JMY: variants seen among roughly 807,000 people sequenced by gnomAD.
The protein encoded by JMY is junction-mediating and -regulatory protein.
In JMY, 46 loss-of-function variants were observed where a neutral mutation model predicts 103.3. The observed-to-expected ratio is 0.45, with a 90% CI of 0.35 to 0.57. JMY has a LOEUF of 0.57. Among genes scored for constraint, JMY ranks in the 20% least tolerant of loss-of-function variants. The probability of loss-of-function intolerance (pLI) is 0.00; values close to 1 mark genes in which losing one functional copy is unlikely to be tolerated. For synonymous variants in JMY, 526 were observed against 489.3 expected (o/e 1.07, Z -0.99); for missense variants, 1,238 against 1,255.2 (o/e 0.99, Z 0.21).
intron 1 of JMY, among the ~76,000 whole-genome samples, chr5:79,246,104 A>G (rs1041317088): frequency 1.3e-5 from 2 of 152,158 alleles, no homozygotes; most frequent in African/African-American, 4.8e-5. Context: ...TAAATCATTC[A>G]TTACTTATAC....
intron 7 of JMY, among the ~76,000 whole-genome samples, chr5:79,307,754 T>C (rs1671612323): frequency 6.6e-6 from 1 of 152,194 alleles, no homozygotes; most frequent in South Asian, 2.1e-4. Context: ...TTTGCTCTTT[T>C]GTTTTTTGGA....
chr5:79,316,841 G>A (rs1305136199), intron 10 of JMY, among the ~76,000 whole-genome samples: 1 of 149,134 alleles, frequency 6.7e-6, no homozygotes, highest in East Asian at 2.0e-4. Flanking sequence ...AGGAGGCGGA[G>A]GTTGCAGTGA....
intron 2 of JMY, among the ~76,000 whole-genome samples, chr5:79,287,218 G>A (rs1171793074): frequency 6.6e-6 from 1 of 152,162 alleles, no homozygotes; most frequent in South Asian, 2.1e-4. Context: ...GATGCTGACA[G>A]GAACAGCCAC....
chr5:79,325,595 A>AGG lies in JMY; in HGVS notation c.*3996_*3997dup, dbSNP rs1170752056. On this transcript the variant is annotated 3_prime_UTR_variant, in exon 11 of 11. Transcript: ENST00000396137. ...CAGCAAGATTTATTTCAGATGGAAA[A>AGG]GGGGTGAGAAAGTGGAAGCACCTTA... is the stretch of plus-strand genomic sequence containing the variant. 1 of 152,160 alleles carries AGG rather than the reference A, an allele frequency of 6.6e-6. No individual in the cohort carries two copies. 9.4% of individuals were successfully genotyped at this position (152,160 alleles called of 1,614,324 possible).
Position 79,306,381 on chromosome 5 carries a change from T to C in JMY, c.1888T>C (p.Cys630Arg), listed in dbSNP as rs2112112366. Residue 630 changes from cysteine (C) to arginine (R), a missense_variant, in exon 7 of 11, where the codon TGT (cysteine) becomes CGT (arginine). Physicochemically the swap from Cys to Arg is radical, Grantham distance 180 (BLOSUM62 -3). Transcript: ENST00000396137. Reference sequence around the variant, plus strand: ...ACATTTTATGTATTTACAGGAAATATGTATTGCAAAACACAATGAAAAAAT... The same window carrying C: ...ACATTTTATGTATTTACAGGAAATACGTATTGCAAAACACAATGAAAAAAT... ...KSYLRNKKEI[C>R]IAKHNEKIQQ... 3 of 1,608,444 alleles carry C rather than the reference T, an allele frequency of 1.9e-6. No homozygotes were observed. The highest frequency in any genetic ancestry group is 2.2e-5 in the East Asian group (1 of 44,816).
intron 1 of JMY, among the ~76,000 whole-genome samples, chr5:79,277,047 A>G (rs1462202685): frequency 6.6e-6 from 1 of 152,174 alleles, no homozygotes; most frequent in Admixed American, 6.5e-5. Context: ...TCATTCTTTT[A>G]TAAAACTTTT....
intron 1 of JMY, among the ~76,000 whole-genome samples, chr5:79,267,986 C>T (rs1291589609): frequency 6.6e-6 from 1 of 152,178 alleles, no homozygotes; most frequent in Non-Finnish European, 1.5e-5. Context: ...TGGCCCATGC[C>T]TGTAATGCAA....
intron 1 of JMY, among the ~76,000 whole-genome samples, chr5:79,250,321 G>A (rs78842308): frequency 0.011 from 1,682 of 152,246 alleles, 34 homozygotes; most frequent in African/African-American, 0.038. Context: ...TTGCTGCTTC[G>A]TGTATACATT....
At chr5:79,314,998 A>C in intron 9 of JMY, 147 bp downstream of exon 9, 1 of 676,332 alleles carries the variant, frequency 1.5e-6, no homozygotes, top group Admixed American at 3.5e-5. Context: ...CTAGAGGAGA[A>C]TTCTTAGTGC....
Position 79,236,935 on chromosome 5 carries a change from T to C in JMY, c.285T>C (p.Ser95=). Reference sequence around the variant, plus strand: ...GGGGTCGGCCCGAGGCCACTGCCTCTGCAACTCTGGTTAGGAGCCCCGGGC... The same window carrying C: ...GGGGTCGGCCCGAGGCCACTGCCTCCGCAACTCTGGTTAGGAGCCCCGGGC... ...AGRGRPEATA[S]ATLVRSPGPR... The change falls in exon 1 of 11, where the codon TCT becomes TCC. Residue 95 remains serine (S), a synonymous_variant. Transcript: ENST00000396137. 7.0e-7 allele frequency: 1 copy of C among 1,430,104 alleles called. No homozygotes were observed. The highest frequency in any genetic ancestry group is 9.1e-7 in the Non-Finnish European group (1 of 1,096,206). The allele number at this position is 1,430,104 out of a possible 1,614,324, so 88.6% of individuals were successfully genotyped here.
At chr5:79,321,391 T>C (rs1201334999) in intron 10 of JMY, among the ~76,000 whole-genome samples, 1 of 152,176 alleles carries the variant, frequency 6.6e-6, no homozygotes, top group Non-Finnish European at 1.5e-5. Context: ...CATACAGTGT[T>C]AGAGTAAAAA....
chr5:79,236,740 C>T lies in JMY; in HGVS notation c.90C>T (p.Val30=), dbSNP rs1163095712. ...ACGAGCGCGAGAAACACAAATTCGTCTTTATTGTGGCCTGGAACGAGATTG... is the reference window on the plus strand; with the variant it reads ...ACGAGCGCGAGAAACACAAATTCGTTTTTATTGTGGCCTGGAACGAGATTG... ...VFDEREKHKF[V]FIVAWNEIEG... Residue 30 remains valine (V), a synonymous_variant, in exon 1 of 11, where the codon GTC becomes GTT. Transcript: ENST00000396137. 9 of 1,507,192 alleles carry T rather than the reference C, an allele frequency of 6.0e-6. No homozygotes were observed. Among genetic ancestry groups the T allele is most frequent in the South Asian group, 1.3e-5 (1 of 79,306 alleles). 93.4% of individuals were successfully genotyped at this position (1,507,192 alleles called of 1,614,324 possible).
At chr5:79,300,418 T>A in intron 5 of JMY, 100 bp downstream of exon 5, 1 of 1,247,796 alleles carries the variant, frequency 8.0e-7, no homozygotes, top group Non-Finnish European at 1.1e-6. Context: ...ATTTAAAAAA[T>A]TGTTTTCTGT....
chr5:79,266,289 T>C (rs771648200), intron 1 of JMY, among the ~76,000 whole-genome samples: 22 of 152,224 alleles, frequency 1.4e-4, no homozygotes, highest in Non-Finnish European at 2.1e-4. Context: ...GTGTCCCTAG[T>C]GTCTGGTAGA....
chr5:79,266,606 C>G (rs942654403), intron 1 of JMY, among the ~76,000 whole-genome samples: 7 of 152,110 alleles, frequency 4.6e-5, no homozygotes, highest in African/African-American at 1.7e-4. Context: ...ACAGTTCTTC[C>G]AACTGTTTTG....
At chr5:79,270,016 A>ACC (rs1745697193) in intron 1 of JMY, among the ~76,000 whole-genome samples, 1 of 152,024 alleles carries the variant, frequency 6.6e-6, no homozygotes, top group Non-Finnish European at 1.5e-5. Context: ...CCAGACATGA[A>ACC]CCACTGCACC....
intron 1 of JMY, among the ~76,000 whole-genome samples, chr5:79,276,981 C>G (rs1745956714): frequency 6.6e-6 from 1 of 152,188 alleles, no homozygotes; most frequent in Non-Finnish European, 1.5e-5. Flanking sequence ...AAGCAATCCT[C>G]TTACTTTGGC....
intron 1 of JMY, among the ~76,000 whole-genome samples, chr5:79,240,293 C>T (rs1744693686): frequency 1.3e-5 from 2 of 151,948 alleles, no homozygotes; most frequent in South Asian, 4.2e-4. Flanking sequence ...GAATTACAGG[C>T]GTGAGCCACC....
intron 7 of JMY, among the ~76,000 whole-genome samples, chr5:79,310,136 C>G (rs1381856691): frequency 7.7e-6 from 1 of 130,354 alleles, no homozygotes; most frequent in Non-Finnish European, 1.5e-5. Context: ...CATCTCTGCT[C>G]ACTGCAACCT....
Sources: allele counts gnomAD v4.1 joint callset (sites outside exome capture counted in the v4.1 genomes callset), GRCh38; gene constraint gnomAD v4.1.1; transcripts MANE v1.5; gene names NCBI Gene and HGNC (gene_info 2026-07-23, HGNC 2026-07-21).